Variants in ZP3 observed in about 807,000 individuals in gnomAD.
ZP3 encodes zona pellucida glycoprotein 3.
ZP3 carries 21 observed loss-of-function variants against 35.6 expected under a neutral mutation model. The observed-to-expected ratio is 0.59, with a 90% CI of 0.42 to 0.85. The LOEUF (loss-of-function observed/expected upper bound fraction) is 0.85, where lower values mean the gene tolerates loss of function less well. ZP3 is among the 40% of genes least tolerant of loss of function. The pLI is 0.00. For missense variants in ZP3, 437 were observed against 536.5 expected, an observed-to-expected ratio of 0.81 and a Z score of 1.83; for synonymous variants, 207 against 214.5, an observed-to-expected ratio of 0.96 and a Z score of 0.31.
intron 1 of ZP3, chr7:76,400,523 C>T: frequency 6.3e-7 from 1 of 1,578,372 alleles, no homozygotes; most frequent in Non-Finnish European, 8.6e-7. Context: ...CAGACGCTGC[C>T]CCAGGAGCCA....
At chr7:76,411,746 TA>T (rs779469122) in intron 1 of ZP3, among the ~76,000 whole-genome samples, 3 of 152,140 alleles carry the variant, frequency 2.0e-5, no homozygotes, top group Non-Finnish European at 4.4e-5. Context: ...GACAGTGTCT[TA>T]AAAATCTAAA....
chr7:76,433,657 G>A lies in ZP3; in HGVS notation c.713+10G>A. On this transcript the variant is annotated intron_variant, in intron 4 of 7. Transcript: ENST00000394857. ...TCGTGGACTTCCATGGGTGAGCACT[G>A]GGCTCCCTGCCTAGAGAACCTTCCT... 6 of 1,587,724 alleles carry A rather than the reference G, an allele frequency of 3.8e-6. No homozygotes were observed. The highest frequency in any genetic ancestry group is 4.3e-6 in the Non-Finnish European group (5 of 1,164,858).
At chr7:76,402,177 C>T (rs1027827740) in intron 1 of ZP3, among the ~76,000 whole-genome samples, 1 of 137,088 alleles carries the variant, frequency 7.3e-6, no homozygotes, top group African/African-American at 2.7e-5. Context: ...CCACCCTGCC[C>T]AGCTATTTTT....
rs541717161 is a variant in ZP3, at chr7:76,416,264, C to CA, written c.-66-8781dup. On this transcript the variant is annotated intron_variant, in intron 1 of 8. Coordinates refer to the ZP3 transcript ENST00000336517. Reference sequence around the variant, plus strand: ...GCAACATGGTGAAACTCTGGCTCTACAAAAAAATACAAAAATTAACCAAGT... The same window carrying CA: ...GCAACATGGTGAAACTCTGGCTCTACAAAAAAAATACAAAAATTAACCAAGT... Among the ~76,000 whole-genome samples the CA allele has an allele frequency of 2.6e-4, 39 of 150,236 alleles. No homozygotes were observed. The South Asian group carries it at 8.0e-3, about 31-fold the overall frequency.
chr7:76,428,489 C>A (rs946523946), intron 1 of ZP3: 1 of 152,110 alleles, frequency 6.6e-6, no homozygotes, highest in African/African-American at 2.4e-5. Context: ...CTAGCAAAAT[C>A]TTCGAACTTA....
intron 7 of ZP3, among the ~76,000 whole-genome samples, chr7:76,441,508 C>T (rs538783252): frequency 1.4e-4 from 22 of 151,888 alleles, no homozygotes; most frequent in Non-Finnish European, 3.1e-4. Flanking sequence ...CCTGCCTCAG[C>T]CTCCCAAGTA....
chr7:76,431,889 A>T (rs1042051193), intron 2 of ZP3, among the ~76,000 whole-genome samples: 1 of 72,718 alleles, frequency 1.4e-5, no homozygotes, highest in African/African-American at 7.5e-5. Flanking sequence ...ACAAAGTGAG[A>T]CTCCGTCTCA....
intron 7 of ZP3, 119 bp downstream of exon 7, chr7:76,440,730 G>A (rs1163034723): frequency 3.1e-4 from 458 of 1,469,748 alleles, no homozygotes; most frequent in Non-Finnish European, 4.0e-4. Context: ...TTGTACCTAG[G>A]CCTGCAGCTA....
upstream of ZP3, among the ~76,000 whole-genome samples, chr7:76,423,786 T>G (rs1201223287): frequency 2.0e-5 from 3 of 151,570 alleles, no homozygotes; most frequent in Non-Finnish European, 4.4e-5. Context: ...TGCTTGAACC[T>G]GGGAGGCGGA....
chr7:76,418,663 C>T (rs776983325), intron 1 of ZP3, among the ~76,000 whole-genome samples: 31 of 151,682 alleles, frequency 2.0e-4, no homozygotes, highest in East Asian at 1.2e-3. Context: ...GAGACCATCC[C>T]AGCTAACACG....
At chr7:76,411,075 C>T (rs1805231978) in intron 1 of ZP3, among the ~76,000 whole-genome samples, 1 of 152,004 alleles carries the variant, frequency 6.6e-6, no homozygotes, top group East Asian at 1.9e-4. Flanking sequence ...CTCCACGCCC[C>T]TGCTGCCCGC....
intron 5 of ZP3, among the ~76,000 whole-genome samples, chr7:76,435,674 G>A (rs1441621667): frequency 6.6e-6 from 1 of 151,832 alleles, no homozygotes; most frequent in Non-Finnish European, 1.5e-5. Context: ...CTTCATAGGT[G>A]TTTGCTGTAA....
At chr7:76,420,258 C>T (rs1283582568), upstream of ZP3, among the ~76,000 whole-genome samples, 2 of 152,106 alleles carry the variant, frequency 1.3e-5, no homozygotes, top group South Asian at 4.1e-4. Context: ...CTCAAGAAAT[C>T]CTCCTGCTTC....
intron 1 of ZP3, among the ~76,000 whole-genome samples, chr7:76,427,428 A>C (rs977121879): frequency 6.7e-6 from 1 of 149,186 alleles, no homozygotes; most frequent in African/African-American, 2.5e-5. Context: ...GAGGCAGAGA[A>C]TTGCTTGAAC....
chr7:76,405,339 C>CTTTCT (rs1271510975), intron 1 of ZP3, among the ~76,000 whole-genome samples: 5 of 21,394 alleles, frequency 2.3e-4, no homozygotes, highest in African/African-American at 8.5e-4. Flanking sequence ...TTCTTTCTTT[C>CTTTCT]TTTTTTTTTT....
chr7:76,398,625 T>C, intron 1 of ZP3: 3 of 1,382,556 alleles, frequency 2.2e-6, no homozygotes, highest in Non-Finnish European at 3.0e-6. Context: ...ACTTTACATC[T>C]TCAATTTGTA....
At chr7:76,419,769 CCCTCCT>C (rs1193213971) in intron 1 of ZP3, among the ~76,000 whole-genome samples, 1 of 142,648 alleles carries the variant, frequency 7.0e-6, no homozygotes, top group Non-Finnish European at 1.5e-5. Flanking sequence ...TTTCCCCCTC[CCCTCCT>C]CCTCCTCCTC....
chr7:76,429,749 A>G, intron 2 of ZP3, 116 bp downstream of exon 2: 1 of 860,052 alleles, frequency 1.2e-6, no homozygotes, highest in South Asian at 1.5e-5. Context: ...CTACCTACCG[A>G]AGCATTTGCA....
At chr7:76,404,292 CA>C in intron 1 of ZP3, 2 of 1,567,906 alleles carry the variant, frequency 1.3e-6, no homozygotes, top group African/African-American at 1.4e-5. Flanking sequence ...CAAGGGCTAA[CA>C]GGGGAGGACT....
Sources: allele counts gnomAD v4.1 joint callset (sites outside exome capture counted in the v4.1 genomes callset), GRCh38; gene constraint gnomAD v4.1.1; transcripts MANE v1.5; gene names NCBI Gene and HGNC (gene_info 2026-07-23, HGNC 2026-07-21).